Variants in SESTD1 observed in about 807,000 individuals in gnomAD.
The protein encoded by SESTD1 is SEC14 domain and spectrin repeat-containing protein 1.
In SESTD1, 43 loss-of-function variants were observed where a neutral mutation model predicts 101.7. That is an observed-to-expected ratio of 0.42 (90% CI 0.33 to 0.55). SESTD1 has a LOEUF of 0.55. SESTD1 is among the 20% of genes least tolerant of loss of function. The pLI, the probability that SESTD1 is intolerant of heterozygous loss-of-function variation, is 0.07. For synonymous variants in SESTD1, 283 were observed against 286.8 expected (o/e 0.99, Z 0.13); for missense variants, 647 against 815.1 (o/e 0.79, Z 2.51).
chr2:179,158,024 C>G (rs937712332), intron 5 of SESTD1, among the ~76,000 whole-genome samples: 8 of 152,044 alleles, frequency 5.3e-5, no homozygotes, highest in Non-Finnish European at 1.0e-4. Flanking sequence ...ATTTCCAAAC[C>G]CTTTTACTAG....
At chr2:179,197,127 G>A (rs2046411626) in intron 1 of SESTD1, among the ~76,000 whole-genome samples, 1 of 152,126 alleles carries the variant, frequency 6.6e-6, no homozygotes, top group Non-Finnish European at 1.5e-5. Context: ...AGCTGATGGA[G>A]CTGAAAACCA....
chr2:179,136,774 G>A (rs1024011529), intron 9 of SESTD1, among the ~76,000 whole-genome samples: 7 of 152,042 alleles, frequency 4.6e-5, no homozygotes, highest in African/African-American at 1.4e-4. Flanking sequence ...CGTGATAGCT[G>A]GGGATAAACA....
intron 1 of SESTD1, among the ~76,000 whole-genome samples, chr2:179,257,199 G>T (rs1214228175): frequency 6.6e-6 from 1 of 151,262 alleles, no homozygotes; most frequent in African/African-American, 2.4e-5. Flanking sequence ...AACCTATTCT[G>T]GTTCAGGGGG....
chr2:179,243,904 A>G (rs991108445), intron 1 of SESTD1, among the ~76,000 whole-genome samples: 1 of 151,208 alleles, frequency 6.6e-6, no homozygotes, highest in Non-Finnish European at 1.5e-5. Flanking sequence ...TGAATCTAAA[A>G]TAAAAGTTTA....
At chr2:179,130,109 A>T (rs553668202) in intron 10 of SESTD1, among the ~76,000 whole-genome samples, 4 of 152,286 alleles carry the variant, frequency 2.6e-5, no homozygotes, top group South Asian at 4.1e-4. Context: ...GTATATGTAC[A>T]TTCCTAAGTA....
intron 1 of SESTD1, among the ~76,000 whole-genome samples, chr2:179,249,212 T>TCA (rs372699404): frequency 7.9e-6 from 1 of 126,028 alleles, no homozygotes; most frequent in African/African-American, 3.0e-5. Context: ...GCATACAGAT[T>TCA]AAAAAAAAAA....
intron 1 of SESTD1, among the ~76,000 whole-genome samples, chr2:179,248,288 C>CAAAAAGA: frequency 6.6e-6 from 1 of 151,434 alleles, no homozygotes; most frequent in East Asian, 1.9e-4. Flanking sequence ...TTATAAAACT[C>CAAAAAGA]AAAAAGAAAA....
chr2:179,106,567 A>G lies in SESTD1; in HGVS notation c.*3332T>C, dbSNP rs1276317716. ...TCATGCTCACGCTAAGGAGTACGAC[A>G]CTAATAATACCACTCCGTATGTCAG... On this transcript the variant is annotated 3_prime_UTR_variant, in exon 18 of 18. Coordinates refer to ENST00000428443, the MANE Select transcript of SESTD1 (RefSeq NM_178123.5). The G allele has an allele frequency of 6.6e-6, 1 of 152,210 alleles. No individual in the cohort carries two copies. Among genetic ancestry groups the G allele is most frequent in the Non-Finnish European group, 1.5e-5 (1 of 68,040 alleles). The allele number at this position is 152,210 out of a possible 1,614,324, so 9.4% of individuals were successfully genotyped here.
chr2:179,103,332 T>A lies in SESTD1; in HGVS notation c.*6567A>T, dbSNP rs562970484. On this transcript the variant is annotated 3_prime_UTR_variant, in exon 18 of 18. Transcript: ENST00000428443. ...ATCATAAAAATAGTTTACACCTTTA[T>A]GCACATCAAAATACAAAATACAGGG... 6.6e-6 allele frequency: 1 copy of A among 152,224 alleles called. No homozygotes were observed. Among genetic ancestry groups the A allele is most frequent in the South Asian group, 2.1e-4 (1 of 4,826 alleles). 9.4% of individuals were successfully genotyped at this position (152,224 alleles called of 1,614,324 possible).
Position 179,101,686 on chromosome 2 carries a change from GA to G in SESTD1, c.*8212del, listed in dbSNP as rs1411622974. 2.0e-5 allele frequency: 3 copies of G among 152,212 alleles called. No homozygotes were observed. The highest frequency in any genetic ancestry group is 2.9e-5 in the Non-Finnish European group (2 of 67,994). The allele number at this position is 152,212 out of a possible 1,614,324, so 9.4% of individuals were successfully genotyped here. On this transcript the variant is annotated 3_prime_UTR_variant, in exon 18 of 18. Coordinates refer to ENST00000428443, the MANE Select transcript of SESTD1 (RefSeq NM_178123.5). Reference sequence around the variant, plus strand: ...GACAGGAATGTCAAGTGTTGATATTGACTCATTCACATTTTCTCCCAATTTT... The same window carrying G: ...GACAGGAATGTCAAGTGTTGATATTGCTCATTCACATTTTCTCCCAATTTT...
At chr2:179,147,205 A>G (rs2045414547) in intron 7 of SESTD1, among the ~76,000 whole-genome samples, 1 of 151,788 alleles carries the variant, frequency 6.6e-6, no homozygotes, top group African/African-American at 2.4e-5. Flanking sequence ...GAGGGACTCT[A>G]TTATCTGGGA....
intron 1 of SESTD1, among the ~76,000 whole-genome samples, chr2:179,197,629 G>A (rs796964870): frequency 0.017 from 2,133 of 123,000 alleles, no homozygotes; most frequent in South Asian, 0.023. Flanking sequence ...AACTCTACAA[G>A]CCAGAAGAGA....
chr2:179,146,646 A>G (rs974887640), intron 7 of SESTD1, among the ~76,000 whole-genome samples, 189 bp from the exon 8 acceptor site: 4 of 152,334 alleles, frequency 2.6e-5, no homozygotes, highest in African/African-American at 9.6e-5. Flanking sequence ...TAGTAGCCAG[A>G]GAAATACCAA....
At chr2:179,182,776 T>C (rs1038996745) in intron 3 of SESTD1, among the ~76,000 whole-genome samples, 2 of 152,170 alleles carry the variant, frequency 1.3e-5, no homozygotes, top group African/African-American at 2.4e-5. Flanking sequence ...AAAAGATGTT[T>C]TCTACTGATT....
At chr2:179,203,028 G>C (rs2046541201) in intron 1 of SESTD1, among the ~76,000 whole-genome samples, 1 of 135,092 alleles carries the variant, frequency 7.4e-6, no homozygotes, top group East Asian at 2.0e-4. Flanking sequence ...CTGTCAGAGG[G>C]GGTGGGGGAG....
chr2:179,115,356 AC>A, intron 15 of SESTD1, 100 bp from the exon 16 acceptor site: 1 of 814,738 alleles, frequency 1.2e-6, no homozygotes, highest in Middle Eastern at 2.4e-4. Flanking sequence ...AAGTGACACT[AC>A]TAGAAATCAA....
intron 3 of SESTD1, 140 bp downstream of exon 3, chr2:179,182,940 T>C (rs114933149): frequency 0.036 from 18,655 of 519,672 alleles, 431 homozygotes; most frequent in Non-Finnish European, 0.046. Flanking sequence ...TTATAAGTCA[T>C]TGATTTTAGT....
chr2:179,130,848 C>T (rs925103465), intron 10 of SESTD1, among the ~76,000 whole-genome samples: 10 of 151,694 alleles, frequency 6.6e-5, no homozygotes, highest in Admixed American at 1.3e-4. Flanking sequence ...TCAAACAAAT[C>T]ACAATCCATG....
intron 5 of SESTD1, among the ~76,000 whole-genome samples, chr2:179,166,827 T>C (rs1418293508): frequency 6.6e-6 from 1 of 152,170 alleles, no homozygotes; most frequent in Admixed American, 6.5e-5. Flanking sequence ...TGTGGTGCAC[T>C]GAGGAAAATA....
Sources: allele counts gnomAD v4.1 joint callset (sites outside exome capture counted in the v4.1 genomes callset), GRCh38; gene constraint gnomAD v4.1.1; transcripts MANE v1.5; gene names NCBI Gene and HGNC (gene_info 2026-07-23, HGNC 2026-07-21).